The following EEA1 variants were observed in gnomAD, a reference collection of about 807,000 sequenced individuals.
EEA1 encodes early endosome antigen 1, 162kD.
Under a neutral mutation model 209.2 loss-of-function variants are expected in EEA1, and 111 were observed. That is an observed-to-expected ratio of 0.53 (90% confidence interval 0.45 to 0.62). EEA1 has a LOEUF of 0.62. Ranked by LOEUF, EEA1 falls within the 20% of genes least tolerant of loss-of-function variation. The pLI is 0.00. For missense variants in EEA1, 1,343 were observed against 1,530.8 expected (o/e 0.88, Z 2.05); for synonymous variants, 536 against 540.6 (o/e 0.99, Z 0.12).
intron 3 of EEA1, chr12:92,858,733 G>T: frequency 1.3e-6 from 1 of 745,480 alleles, no homozygotes; most frequent in South Asian, 1.3e-5. Context: ...TCGTCTTGGT[G>T]AGATGAGGGA....
intron 21 of EEA1, among the ~76,000 whole-genome samples, chr12:92,798,265 T>G (rs943208634): frequency 2.2e-4 from 33 of 152,184 alleles, no homozygotes; most frequent in Non-Finnish European, 4.7e-4. Flanking sequence ...ATAAGAATGA[T>G]TTATTTTAAA....
intron 14 of EEA1, among the ~76,000 whole-genome samples, chr12:92,819,022 GT>G (rs1341512037): frequency 6.6e-6 from 1 of 152,072 alleles, no homozygotes; most frequent in African/African-American, 2.4e-5. Flanking sequence ...TAATATTTCT[GT>G]TTTTCCAGTG....
intron 11 of EEA1, among the ~76,000 whole-genome samples, chr12:92,828,515 T>C (rs1212987648): frequency 6.6e-6 from 1 of 151,846 alleles, no homozygotes; most frequent in Non-Finnish European, 1.5e-5. Context: ...GGGTATTGGA[T>C]AGTGCCCAGT....
chr12:92,852,146 T>G, intron 8 of EEA1, 29 bp downstream of exon 8: 1 of 1,540,818 alleles, frequency 6.5e-7, no homozygotes, highest in South Asian at 1.3e-5. Context: ...GGTATAAGAG[T>G]ACATCTCAAT....
chr12:92,814,390 T>A (rs1003837178), intron 15 of EEA1, among the ~76,000 whole-genome samples: 1 of 152,198 alleles, frequency 6.6e-6, no homozygotes, highest in African/African-American at 2.4e-5. Context: ...AGAAGTCAGC[T>A]TTATTTACAT....
intron 9 of EEA1, 47 bp from the exon 10 acceptor site, chr12:92,842,628 A>G: frequency 9.2e-7 from 1 of 1,084,592 alleles, no homozygotes. Flanking sequence ...TAAATTGTCT[A>G]AAAGATAAAA....
chr12:92,924,701 G>C (rs1881139855), intron 1 of EEA1, among the ~76,000 whole-genome samples: 1 of 151,788 alleles, frequency 6.6e-6, no homozygotes. Flanking sequence ...TATTTCTTTA[G>C]CTCAAGCAAA....
intron 21 of EEA1, among the ~76,000 whole-genome samples, chr12:92,789,121 C>T (rs1220963664): frequency 6.6e-6 from 1 of 151,768 alleles, no homozygotes; most frequent in Non-Finnish European, 1.5e-5. Context: ...GAAACCCCGC[C>T]TCTACTAAAA....
intron 2 of EEA1, chr12:92,879,169 T>C (rs1038334143): frequency 6.3e-6 from 2 of 318,518 alleles, no homozygotes; most frequent in Admixed American, 4.5e-5. Flanking sequence ...GCACCCATTA[T>C]CTGAAATGCT....
chr12:92,880,155 C>T (rs192388196), intron 2 of EEA1, among the ~76,000 whole-genome samples: 203 of 152,334 alleles, frequency 1.3e-3, no homozygotes, highest in African/African-American at 4.8e-3. Flanking sequence ...TCCAGTGTCA[C>T]GTGTTACATG....
intron 2 of EEA1, among the ~76,000 whole-genome samples, chr12:92,882,832 C>T (rs551485061): frequency 1.3e-5 from 2 of 152,258 alleles, no homozygotes; most frequent in South Asian, 2.1e-4. Context: ...TTGATGGGCA[C>T]ATAGTCCGAT....
At position 92,852,939 on chromosome 12, in the gene EEA1, C is replaced by T. The variant is rs780802991; in HGVS notation, c.493G>A (p.Ala165Thr). The T allele has an allele frequency of 1.7e-5, 27 of 1,610,980 alleles. No homozygotes were observed. The highest frequency in any genetic ancestry group is 1.5e-5 in the Non-Finnish European group (18 of 1,178,992). The change falls in exon 7 of 29, where the codon GCA becomes ACA. Residue 165 changes from alanine (A) to threonine (T), a missense_variant. This residue lies in a region of EEA1 where 1,307 missense variants were observed against 1,465.5 expected (regional missense o/e 0.89). Coordinates refer to ENST00000322349, the MANE Select transcript of EEA1 (RefSeq NM_003566.4). ...KQMKDLFEQK[A>T]AQLATEIADI... ...GCAATTTCAGTAGCAAGTTGGGCTG[C>T]TTTCTGTTCAAATAAGTCTTTCATT...
At chr12:92,928,908 G>C (rs1312121779) in intron 1 of EEA1, 135 bp downstream of exon 1, 4 of 693,702 alleles carry the variant, frequency 5.8e-6, no homozygotes, top group Non-Finnish European at 6.4e-6. Context: ...CCGGGCGACC[G>C]AGGCCTAAGC....
Position 92,780,367 on chromosome 12 carries a change from T to C in EEA1, c.3381A>G (p.Ala1127=). 1 of 1,590,296 alleles carries C rather than the reference T, an allele frequency of 6.3e-7. No homozygotes were observed. The highest frequency in any genetic ancestry group is 8.6e-7 in the Non-Finnish European group (1 of 1,165,376). ...GTCTACATTTAATTTCTTCTATCTCTGCCAATTTAGACTTCTCATTTACCA... is the reference window on the plus strand; with the variant it reads ...GTCTACATTTAATTTCTTCTATCTCCGCCAATTTAGACTTCTCATTTACCA... The part of the protein sequence containing the change: ...KELVNEKSKL[A]EIEEIKCRQE... The change falls in exon 24 of 29, where the codon GCA becomes GCG. Residue 1127 remains alanine (A), a synonymous_variant. Transcript: ENST00000322349.
At chr12:92,886,109 C>T (rs7314611) in intron 2 of EEA1, among the ~76,000 whole-genome samples, 89,077 of 150,248 alleles carry the variant, frequency 0.59, 27,490 homozygotes, top group East Asian at 0.94. Flanking sequence ...ATAGAATAAT[C>T]ATATTTGAAT....
chr12:92,900,865 C>T (rs1244039062), intron 1 of EEA1, among the ~76,000 whole-genome samples: 5 of 152,118 alleles, frequency 3.3e-5, no homozygotes, highest in Admixed American at 3.3e-4. Context: ...GACAGGGTTT[C>T]ACCATGTTGG....
rs1220400100 is a variant in EEA1 at position 92,887,000 on chromosome 12, ACAAAC to A, written c.117+4624_117+4628del. On this transcript the variant is annotated intron_variant, in intron 2 of 28. Transcript: ENST00000322349. ...GGCAACAGAGCGGGACTCCATCTCA[ACAAAC>A]AAACAAACAAACAAACAAACAAAAA... Among the ~76,000 whole-genome samples, 413 of 43,820 alleles carry A rather than the reference ACAAAC, an allele frequency of 9.4e-3. 3 individuals are homozygous for A. Among genetic ancestry groups the A allele is most frequent in the African/African-American group, 0.025 (359 of 14,364 alleles). 28.7% of individuals were successfully genotyped at this position (43,820 alleles called of 152,430 possible). A position where few individuals can be genotyped will look rare whatever the true frequency, so the allele number is the denominator to read the frequency against.
chr12:92,786,520 T>TA (rs1414601211), intron 22 of EEA1, among the ~76,000 whole-genome samples: 1 of 152,226 alleles, frequency 6.6e-6, no homozygotes, highest in Non-Finnish European at 1.5e-5. Flanking sequence ...CCCAATTTCC[T>TA]ATCTCTGTCA....
chr12:92,840,121 AT>A (rs1331623324), intron 10 of EEA1, among the ~76,000 whole-genome samples: 5 of 151,964 alleles, frequency 3.3e-5, no homozygotes, highest in Non-Finnish European at 5.9e-5. Flanking sequence ...CTTATGCCCT[AT>A]TTTTTTCTTT....
Sources: allele counts gnomAD v4.1 joint callset (sites outside exome capture counted in the v4.1 genomes callset), GRCh38; gene constraint gnomAD v4.1.1; regional missense constraint gnomAD v4.1.1; transcripts MANE v1.5; gene names NCBI Gene and HGNC (gene_info 2026-07-23, HGNC 2026-07-21).